KCNAB1: variants seen among roughly 807,000 people sequenced by gnomAD.
KCNAB1 encodes the protein potassium voltage-gated channel subfamily A regulatory beta subunit 1, also known as voltage-gated potassium channel subunit beta-1.
Under a neutral mutation model 64.6 loss-of-function variants are expected in KCNAB1, and 35 were observed. The ratio of observed to expected loss-of-function variants is 0.54; its 90% CI spans 0.41 to 0.72. The LOEUF (loss-of-function observed/expected upper bound fraction) is 0.72, where lower values mean the gene tolerates loss of function less well. Ranked by LOEUF, KCNAB1 falls within the 30% of genes least tolerant of loss-of-function variation. The pLI is 0.00. For missense variants in KCNAB1, 401 were observed against 512.9 expected, an observed-to-expected ratio of 0.78 and a Z score of 2.11; for synonymous variants, 177 against 183.8, an observed-to-expected ratio of 0.96 and a Z score of 0.30.
At chr3:156,253,152 G>A (rs754086720) in intron 1 of KCNAB1, among the ~76,000 whole-genome samples, 11 of 152,150 alleles carry the variant, frequency 7.2e-5, no homozygotes, top group Non-Finnish European at 1.3e-4. Context: ...ATACATAAAA[G>A]GTAGGTTGCT....
At chr3:156,321,209 T>C (rs1722638739) in intron 1 of KCNAB1, among the ~76,000 whole-genome samples, 1 of 152,208 alleles carries the variant, frequency 6.6e-6, no homozygotes, top group Admixed American at 6.5e-5. Context: ...GTTTCTGTGC[T>C]GGGCATGGTT....
chr3:156,321,822 C>T (rs1243753244), intron 1 of KCNAB1, among the ~76,000 whole-genome samples: 1 of 152,058 alleles, frequency 6.6e-6, no homozygotes, highest in African/African-American at 2.4e-5. Context: ...AGTCTGGTTC[C>T]AGAAAGTCAA....
At chr3:156,365,825 A>C (rs1725909990) in intron 1 of KCNAB1, among the ~76,000 whole-genome samples, 1 of 152,218 alleles carries the variant, frequency 6.6e-6, no homozygotes. Flanking sequence ...TTACAGCCTC[A>C]TACAATCCAA....
chr3:156,249,350 G>A (rs1451633362), intron 1 of KCNAB1, among the ~76,000 whole-genome samples: 2 of 151,970 alleles, frequency 1.3e-5, no homozygotes, highest in Non-Finnish European at 2.9e-5. Context: ...ATCACCTGAG[G>A]TCAGGAGTTC....
chr3:156,159,975 G>C (rs1478101787), intron 1 of KCNAB1, among the ~76,000 whole-genome samples: 1 of 152,216 alleles, frequency 6.6e-6, no homozygotes, highest in Non-Finnish European at 1.5e-5. Flanking sequence ...CAACCAGGTA[G>C]TTAGAGTCTG....
At chr3:156,175,950 G>T in intron 1 of KCNAB1, 1 of 981,666 alleles carries the variant, frequency 1.0e-6, no homozygotes, top group Non-Finnish European at 1.6e-6. Context: ...CAGCATGGCC[G>T]GGCAGCTCAT....
intron 1 of KCNAB1, among the ~76,000 whole-genome samples, chr3:156,333,231 T>A: frequency 6.6e-6 from 1 of 152,138 alleles, no homozygotes. Context: ...CCCTTTTGGC[T>A]GTCCTGAGTT....
intron 1 of KCNAB1, among the ~76,000 whole-genome samples, chr3:156,345,480 G>A (rs570542231): frequency 5.4e-4 from 82 of 152,324 alleles, no homozygotes; most frequent in African/African-American, 1.9e-3. Flanking sequence ...TTTAGTTTGA[G>A]GGTGTTCCAT....
At chr3:156,498,085 G>A (rs150758047) in intron 8 of KCNAB1, among the ~76,000 whole-genome samples, 39 of 152,298 alleles carry the variant, frequency 2.6e-4, no homozygotes, top group African/African-American at 8.4e-4. Flanking sequence ...TCAAACATCA[G>A]ATTTATAGTG....
intron 12 of KCNAB1, among the ~76,000 whole-genome samples, chr3:156,530,425 G>T (rs1718623571): frequency 6.6e-6 from 1 of 152,116 alleles, no homozygotes; most frequent in South Asian, 2.1e-4. Context: ...AAGAGTGAGG[G>T]GGCAGGGGTT....
chr3:156,505,191 G>A (rs1293117964), intron 8 of KCNAB1, among the ~76,000 whole-genome samples: 1 of 152,110 alleles, frequency 6.6e-6, no homozygotes, highest in African/African-American at 2.4e-5. Flanking sequence ...GAATGTTCCT[G>A]GAACCTTTGT....
chr3:156,376,007 A>G (rs973501311), intron 1 of KCNAB1, among the ~76,000 whole-genome samples: 1 of 152,168 alleles, frequency 6.6e-6, no homozygotes, highest in Non-Finnish European at 1.5e-5. Flanking sequence ...TTTAGTAGAG[A>G]TGGGGTTTCA....
intron 1 of KCNAB1, among the ~76,000 whole-genome samples, chr3:156,171,077 G>A (rs1203665212): frequency 1.3e-5 from 2 of 151,924 alleles, no homozygotes; most frequent in Non-Finnish European, 2.9e-5. Flanking sequence ...AATTATGTAT[G>A]TCTACCTTTG....
chr3:156,249,436 A>G (rs527387270), intron 1 of KCNAB1, among the ~76,000 whole-genome samples: 2 of 151,990 alleles, frequency 1.3e-5, no homozygotes, highest in African/African-American at 4.8e-5. Context: ...GCCAGGCATG[A>G]TGGTGCGTGC....
At chr3:156,205,573 T>G (rs940232145) in intron 1 of KCNAB1, among the ~76,000 whole-genome samples, 14 of 152,202 alleles carry the variant, frequency 9.2e-5, no homozygotes, top group African/African-American at 3.1e-4. Context: ...TTTTCTCCCC[T>G]ATACATTGGT....
chr3:156,136,415 T>A (rs1714351151), intron 1 of KCNAB1, among the ~76,000 whole-genome samples: 1 of 152,196 alleles, frequency 6.6e-6, no homozygotes, highest in Non-Finnish European at 1.5e-5. Flanking sequence ...TAGCCTGTGC[T>A]CTTTCTACTA....
chr3:156,157,188 A>G (rs940132342), intron 1 of KCNAB1, among the ~76,000 whole-genome samples: 1 of 152,240 alleles, frequency 6.6e-6, no homozygotes, highest in Non-Finnish European at 1.5e-5. Flanking sequence ...CTTACTTTCT[A>G]CACAGCACTA....
intron 1 of KCNAB1, among the ~76,000 whole-genome samples, chr3:156,324,306 T>C (rs1722839993): frequency 6.6e-6 from 1 of 152,166 alleles, no homozygotes; most frequent in Admixed American, 6.5e-5. Flanking sequence ...GTCCAAGCTA[T>C]ATTTTCTATA....
In KCNAB1 at chr3:156,296,476, C is replaced by T. The variant is rs867128520; in HGVS notation, c.276-125140C>T. The stretch of plus-strand genomic sequence containing the variant: ...AAACTTCAACTCCCCCCCCCCCCAC[C>T]TTTTTTTTTTTTTTTGAGATGGAGT... On this transcript the variant is annotated intron_variant, in intron 1 of 13. Coordinates refer to ENST00000490337, the MANE Select transcript of KCNAB1 (RefSeq NM_172160.3). Among the ~76,000 whole-genome samples the T allele has an allele frequency of 2.2e-3, 248 of 111,014 alleles. 1 individual carries two copies. The highest frequency in any genetic ancestry group is 3.2e-3 in the Non-Finnish European group (169 of 52,684). 72.8% of individuals were successfully genotyped at this position (111,014 alleles called of 152,430 possible).
Sources: gnomAD v4.1 joint callset for allele counts (sites outside exome capture counted in the v4.1 genomes callset) on GRCh38, gnomAD v4.1.1 for gene constraint, MANE v1.5 for transcripts, NCBI Gene and HGNC (gene_info 2026-07-23, HGNC 2026-07-21) for gene names.